The following STX18 variants were observed in gnomAD, a reference collection of about 807,000 sequenced individuals.
The protein encoded by STX18 is syntaxin-18.
STX18 carries 40 observed loss-of-function variants against 50.1 expected under a neutral mutation model. The observed-to-expected ratio is 0.80, with a 90% confidence interval of 0.62 to 1.04. The LOEUF (loss-of-function observed/expected upper bound fraction) is 1.04, where lower values mean the gene tolerates loss of function less well. Ranked by LOEUF, STX18 falls within the 50% of genes least tolerant of loss-of-function variation. The pLI, the probability that STX18 is intolerant of heterozygous loss-of-function variation, is 0.00. For missense variants in STX18, 410 were observed against 415.8 expected, an observed-to-expected ratio of 0.99 and a Z score of 0.12; for synonymous variants, 158 against 151.8, an observed-to-expected ratio of 1.04 and a Z score of -0.30.
At chr4:4,500,024 AG>A (rs1729364485) in intron 1 of STX18, among the ~76,000 whole-genome samples, 1 of 152,202 alleles carries the variant, frequency 6.6e-6, no homozygotes, top group Admixed American at 6.5e-5. Flanking sequence ...CACAGGCATC[AG>A]GGACTATTTG....
chr4:4,513,038 T>A (rs576603837), intron 1 of STX18, among the ~76,000 whole-genome samples: 41 of 152,216 alleles, frequency 2.7e-4, no homozygotes, highest in African/African-American at 9.9e-4. Flanking sequence ...ATAATATACA[T>A]ATCAAACGGA....
chr4:4,434,668 T>G lies in STX18; in HGVS notation c.702+102A>C, dbSNP rs191068799. On this transcript the variant is annotated intron_variant, in intron 7 of 10. Coordinates refer to ENST00000306200, the MANE Select transcript of STX18 (RefSeq NM_016930.4). ...CACATTTATAATTTTTAAAACTCAG[T>G]ATAAAAATAAGGGCAAGGGCATTGA... The G allele has an allele frequency of 6.9e-6, 6 of 870,592 alleles. No individual in the cohort carries two copies. In the African/African-American group the frequency reaches 8.9e-5, roughly 13 times the overall value. The allele number at this position is 870,592 out of a possible 1,614,324, so 53.9% of individuals were successfully genotyped here. A position where few individuals can be genotyped will look rare whatever the true frequency, so the allele number is the denominator to read the frequency against.
chr4:4,510,023 AG>A (rs1300876080), intron 1 of STX18, among the ~76,000 whole-genome samples: 1 of 152,190 alleles, frequency 6.6e-6, no homozygotes, highest in Non-Finnish European at 1.5e-5. Context: ...TTCTAAGTGT[AG>A]GGTTTCAAAG....
chr4:4,508,685 A>G (rs958810640), intron 1 of STX18, among the ~76,000 whole-genome samples: 6 of 152,050 alleles, frequency 3.9e-5, no homozygotes, highest in Non-Finnish European at 8.8e-5. Flanking sequence ...TCCATTAACT[A>G]CTCTTCCTGA....
intron 1 of STX18, among the ~76,000 whole-genome samples, chr4:4,505,041 C>T (rs1361175844): frequency 1.3e-5 from 2 of 152,156 alleles, no homozygotes; most frequent in Admixed American, 6.5e-5. Flanking sequence ...ATTTTCATCA[C>T]CCCCAAAATC....
At chr4:4,493,282 A>ACCCCCCCCCCCCCCCACC (rs113528539) in intron 1 of STX18, among the ~76,000 whole-genome samples, 1 of 138,812 alleles carries the variant, frequency 7.2e-6, no homozygotes, top group African/African-American at 2.6e-5. Flanking sequence ...GGCATTCCCA[A>ACCCCCCCCCCCCCCCACC]CCCCCCCGCC....
rs574059224 is a variant in STX18 at position 4,537,600 on chromosome 4, T to C, written c.168+4197A>G. ...GCTCTATCCCTGAATTTTCCAGTTATATGAGCTAAGGTATTCCCACTTTGT... is the reference window on the plus strand; with the variant it reads ...GCTCTATCCCTGAATTTTCCAGTTACATGAGCTAAGGTATTCCCACTTTGT... On this transcript the variant is annotated intron_variant, in intron 1 of 10. Coordinates refer to ENST00000306200, the MANE Select transcript of STX18 (RefSeq NM_016930.4). Among the ~76,000 whole-genome samples the C allele has an allele frequency of 3.3e-5, 5 of 152,366 alleles. No homozygotes were observed. In the South Asian group the frequency reaches 6.2e-4, roughly 19 times the overall value.
intron 1 of STX18, among the ~76,000 whole-genome samples, chr4:4,479,792 GA>G (rs1034550105): frequency 3.4e-4 from 51 of 152,052 alleles, no homozygotes; most frequent in African/African-American, 9.9e-4. Context: ...TTGACAGGGG[GA>G]AAAAAAGACT....
intron 9 of STX18, among the ~76,000 whole-genome samples, chr4:4,422,498 G>A (rs1431849401): frequency 6.6e-6 from 1 of 151,324 alleles, no homozygotes; most frequent in Non-Finnish European, 1.5e-5. Flanking sequence ...GAACCTGGGA[G>A]GATGAGGTTG....
At chr4:4,458,550 C>A (rs1382586750) in intron 3 of STX18, among the ~76,000 whole-genome samples, 5 of 152,142 alleles carry the variant, frequency 3.3e-5, no homozygotes, top group African/African-American at 1.2e-4. Context: ...GCTTTGAACT[C>A]TACTTACTAT....
At chr4:4,531,605 C>T (rs6835796) in intron 1 of STX18, among the ~76,000 whole-genome samples, 1 of 152,140 alleles carries the variant, frequency 6.6e-6, no homozygotes, top group Non-Finnish European at 1.5e-5. Context: ...GGCCTTGTTA[C>T]GCTGGTTTCC....
chr4:4,519,677 G>C (rs1378554318), intron 1 of STX18, among the ~76,000 whole-genome samples: 2 of 152,188 alleles, frequency 1.3e-5, no homozygotes, highest in African/African-American at 2.4e-5. Context: ...AGGACGACTA[G>C]TTCAAATGGT....
rs368451147 is a variant in STX18, at chr4:4,420,043, G to A, written c.999C>T (p.Tyr333=). Residue 333 remains tyrosine, a synonymous_variant, in exon 11 of 11, where the codon TAC becomes TAT. Transcript: ENST00000306200. The surrounding 1 kb of genome is among the most constrained non-coding windows in gnomAD (Gnocchi z 4.3). ...GCCCCCGTGGCCCTGGCTAGCTGTC[G>A]TACCAGTCGAGGAAGAGCAAGGAGA... ...CSFSLLFLDW[Y]DS The A allele has an allele frequency of 7.9e-5, 128 of 1,612,078 alleles. No individual in the cohort carries two copies. The highest frequency in any genetic ancestry group is 2.6e-4 in the South Asian group (24 of 90,592).
intron 5 of STX18, among the ~76,000 whole-genome samples, chr4:4,441,129 T>C (rs1338432749): frequency 2.0e-5 from 3 of 152,224 alleles, no homozygotes; most frequent in African/African-American, 7.2e-5. Flanking sequence ...TTAAAGACTT[T>C]GGTGGAAGCT....
chr4:4,504,486 A>C (rs1456348401), intron 1 of STX18, among the ~76,000 whole-genome samples: 1 of 152,174 alleles, frequency 6.6e-6, no homozygotes, highest in East Asian at 1.9e-4. Flanking sequence ...TACCTCTCGA[A>C]ACTTAGCAAG....
intron 1 of STX18, among the ~76,000 whole-genome samples, chr4:4,496,663 T>C (rs925493979): frequency 6.6e-6 from 1 of 152,224 alleles, no homozygotes; most frequent in Non-Finnish European, 1.5e-5. Context: ...TCTTCAGCCT[T>C]GGATGGTGCT....
chr4:4,495,433 T>G (rs528141931), intron 1 of STX18, among the ~76,000 whole-genome samples: 1 of 152,230 alleles, frequency 6.6e-6, no homozygotes, highest in South Asian at 2.1e-4. Context: ...CCATCACCCA[T>G]GCTGCTGTGC....
intron 1 of STX18, 24 bp downstream of exon 1, chr4:4,541,773 C>T (rs1186403369): frequency 1.9e-6 from 3 of 1,593,350 alleles, no homozygotes; most frequent in African/African-American, 1.3e-5. Context: ...CCTCAACCCG[C>T]CGTTTCCATA....
chr4:4,498,805 A>G (rs1395151709), intron 1 of STX18, among the ~76,000 whole-genome samples: 2 of 152,212 alleles, frequency 1.3e-5, no homozygotes, highest in Non-Finnish European at 2.9e-5. Flanking sequence ...AAAAAGAGAG[A>G]GAAAGATGTG....
Sources: gnomAD v4.1 joint callset for allele counts (sites outside exome capture counted in the v4.1 genomes callset) on GRCh38, gnomAD v4.1.1 for gene constraint, Gnocchi (gnomAD v3.1) non-coding constraint, MANE v1.5 for transcripts, NCBI Gene and HGNC (gene_info 2026-07-23, HGNC 2026-07-21) for gene names.